The following CREB3L1 variants were observed in gnomAD, a reference collection of about 807,000 sequenced individuals.
CREB3L1 encodes cyclic AMP-responsive element-binding protein 3-like protein 1.
Under a neutral mutation model 54.5 loss-of-function variants are expected in CREB3L1, and 33 were observed. The observed-to-expected ratio is 0.61, with a 90% CI of 0.46 to 0.81. CREB3L1 has a LOEUF of 0.81. Among genes scored for constraint, CREB3L1 ranks in the 30% least tolerant of loss-of-function variants. The pLI, the probability that CREB3L1 is intolerant of heterozygous loss-of-function variation, is 0.00. For missense variants in CREB3L1, 656 were observed against 673.3 expected, an observed-to-expected ratio of 0.97 and a Z score of 0.29; for synonymous variants, 284 against 286.4, an observed-to-expected ratio of 0.99 and a Z score of 0.08.
intron 3 of CREB3L1, among the ~76,000 whole-genome samples, chr11:46,308,685 C>T (rs1192352105): frequency 1.3e-5 from 2 of 152,218 alleles, no homozygotes; most frequent in East Asian, 3.9e-4. Flanking sequence ...GGATGAGCAG[C>T]ATCTTAAAAT....
rs183716384 is a variant in CREB3L1 at position 46,303,709 on chromosome 11, A to G, written c.331+3546A>G. Among the ~76,000 whole-genome samples the G allele has an allele frequency of 1.4e-4, 21 of 151,778 alleles. No individual in the cohort carries two copies. The East Asian group carries it at 3.9e-3, about 28-fold the overall frequency. On this transcript the variant is annotated intron_variant, in intron 2 of 11. Coordinates refer to ENST00000621158, the MANE Select transcript of CREB3L1 (RefSeq NM_052854.4). Reference sequence around the variant, plus strand: ...CTGTGCACATAAAAGTCCTATGAATACTATGGGTGGGCCAGGCATGCTGAG... The same window carrying G: ...CTGTGCACATAAAAGTCCTATGAATGCTATGGGTGGGCCAGGCATGCTGAG...
intron 3 of CREB3L1, 65 bp downstream of exon 3, chr11:46,308,065 G>C: frequency 7.3e-7 from 1 of 1,370,206 alleles, no homozygotes. Context: ...TGTGGGAAGA[G>C]GTGCCCAAAG....
intron 1 of CREB3L1, among the ~76,000 whole-genome samples, chr11:46,297,987 T>TA (rs1939237850): frequency 6.6e-6 from 1 of 152,214 alleles, no homozygotes; most frequent in Non-Finnish European, 1.5e-5. Context: ...CTAACAAAAT[T>TA]TTAGATCCTC....
chr11:46,319,234 C>T (rs1455120177), intron 10 of CREB3L1, among the ~76,000 whole-genome samples: 1 of 152,152 alleles, frequency 6.6e-6, no homozygotes, highest in African/African-American at 2.4e-5. Context: ...GCAGAGCTGG[C>T]GCACTGCGCA....
chr11:46,305,410 C>T (rs995790588), intron 2 of CREB3L1, among the ~76,000 whole-genome samples: 2 of 151,860 alleles, frequency 1.3e-5, no homozygotes, highest in Admixed American at 1.3e-4. Context: ...GTGGATGCTT[C>T]CTTCTAAATC....
At chr11:46,312,957 C>G in intron 8 of CREB3L1, 38 bp downstream of exon 8, 1 of 1,461,064 alleles carries the variant, frequency 6.8e-7, no homozygotes, top group Non-Finnish European at 9.4e-7. Context: ...GGCCCCCTGC[C>G]CCTCTGCAAC....
At chr11:46,315,144 T>C in intron 8 of CREB3L1, 1 of 285,506 alleles carries the variant, frequency 3.5e-6, no homozygotes, top group Non-Finnish European at 7.1e-6. Flanking sequence ...ACAAGACTTT[T>C]TCCTTCTTTC....
At chr11:46,307,501 T>C (rs966637650) in intron 2 of CREB3L1, among the ~76,000 whole-genome samples, 2 of 152,212 alleles carry the variant, frequency 1.3e-5, no homozygotes, top group Admixed American at 6.5e-5. Context: ...GTCCTGTTCC[T>C]TTCCCCATTT....
At chr11:46,311,008 C>T (rs1190770658) in intron 4 of CREB3L1, 24 bp from the exon 5 acceptor site, 1 of 1,550,096 alleles carries the variant, frequency 6.5e-7, no homozygotes, top group African/African-American at 1.4e-5. Context: ...ACGTTGCTAA[C>T]TCGGTTTCCC....
At chr11:46,301,422 G>A (rs1425943027) in intron 2 of CREB3L1, among the ~76,000 whole-genome samples, 1 of 152,178 alleles carries the variant, frequency 6.6e-6, no homozygotes, top group Non-Finnish European at 1.5e-5. Flanking sequence ...TGGATCACCT[G>A]AGGTGAGGAG....
intron 1 of CREB3L1, among the ~76,000 whole-genome samples, chr11:46,293,541 C>G (rs1939161710): frequency 6.6e-6 from 1 of 152,254 alleles, no homozygotes; most frequent in Non-Finnish European, 1.5e-5. Context: ...CCCCAGGACT[C>G]TGCTCTGCCT....
chr11:46,304,782 C>T (rs181188491), intron 2 of CREB3L1, among the ~76,000 whole-genome samples: 59 of 152,202 alleles, frequency 3.9e-4, no homozygotes, highest in African/African-American at 1.3e-3. Context: ...GCCTCAACCT[C>T]CTGGCCTCAA....
At chr11:46,306,879 CTTT>C (rs557941973) in intron 2 of CREB3L1, among the ~76,000 whole-genome samples, 1 of 141,554 alleles carries the variant, frequency 7.1e-6, no homozygotes. Flanking sequence ...AATTCTCTCT[CTTT>C]TTTTTTTTTT....
At chr11:46,306,827 A>G (rs1244735308) in intron 2 of CREB3L1, among the ~76,000 whole-genome samples, 1 of 150,158 alleles carries the variant, frequency 6.7e-6, no homozygotes, top group African/African-American at 2.5e-5. Flanking sequence ...GCTGGAGTGC[A>G]GTAGCACAAT....
At chr11:46,284,626 T>C (rs7114516) in intron 1 of CREB3L1, among the ~76,000 whole-genome samples, 1,842 of 148,420 alleles carry the variant, frequency 0.012, 47 homozygotes, top group African/African-American at 0.044. Flanking sequence ...TGCACTCCAG[T>C]CTGGGCAACA....
chr11:46,299,492 G>A (rs145292215), intron 1 of CREB3L1, among the ~76,000 whole-genome samples: 90 of 152,276 alleles, frequency 5.9e-4, no homozygotes, highest in African/African-American at 2.2e-3. Flanking sequence ...AAACAAACTT[G>A]TTGGCGTAGA....
chr11:46,311,325 C>CT, intron 5 of CREB3L1, 136 bp downstream of exon 5: 1 of 1,192,612 alleles, frequency 8.4e-7, no homozygotes, highest in African/African-American at 1.6e-5. Flanking sequence ...GGATGCTTAC[C>CT]TGGCAGATGG....
Position 46,278,036 on chromosome 11 carries a change from G to A in CREB3L1, c.-76G>A. On this transcript the variant is annotated 5_prime_UTR_variant, in exon 1 of 12. Transcript: ENST00000621158. The surrounding 1 kb of genome is among the most constrained non-coding windows in gnomAD (Gnocchi z 4.2). ...CCGCCCGTTTGCCAGCGCTCAGGCA[G>A]GAGCTCTGGACTGGGCGCGCCGCCG... The A allele has an allele frequency of 2.9e-6, 2 of 687,846 alleles. No individual in the cohort carries two copies. The highest frequency in any genetic ancestry group is 2.2e-6 in the Non-Finnish European group (1 of 464,496). 42.6% of individuals were successfully genotyped at this position (687,846 alleles called of 1,614,324 possible). A position where few individuals can be genotyped will look rare whatever the true frequency, so the allele number is the denominator to read the frequency against.
Position 46,310,045 on chromosome 11 carries a change from C to T in CREB3L1, c.573C>T (p.Asn191=). 6.3e-7 allele frequency: 1 copy of T among 1,599,812 alleles called. No individual in the cohort carries two copies. Among genetic ancestry groups the T allele is most frequent in the Non-Finnish European group, 8.5e-7 (1 of 1,173,422 alleles). ...TCAAAGCAGAGCCTCTGGAGGTGAA[C>T]CAGTTCCTCAAAGTGACACCGGGTA... ...PVIKAEPLEV[N]QFLKVTPEDL... The change falls in exon 4 of 12, where the codon AAC becomes AAT. Residue 191 remains asparagine (N), a synonymous_variant. Transcript: ENST00000621158.
Sources: gnomAD v4.1 joint callset for allele counts (sites outside exome capture counted in the v4.1 genomes callset) on GRCh38, gnomAD v4.1.1 for gene constraint, Gnocchi (gnomAD v3.1) non-coding constraint, MANE v1.5 for transcripts, NCBI Gene and HGNC (gene_info 2026-07-23, HGNC 2026-07-21) for gene names.